The following NDRG3 variants were observed in gnomAD, a reference collection of about 807,000 sequenced individuals.
The protein encoded by NDRG3 is NDRG family member 3.
A neutral mutation model predicts 57.2 loss-of-function variants in NDRG3; 23 were observed. That is an observed-to-expected ratio of 0.40 (90% CI 0.29 to 0.57). The LOEUF (loss-of-function observed/expected upper bound fraction) is 0.57, where lower values mean the gene tolerates loss of function less well. Ranked by LOEUF, NDRG3 falls within the 20% of genes least tolerant of loss-of-function variation. The pLI is 0.42. For missense variants in NDRG3, 384 were observed against 457.3 expected (o/e 0.84, Z 1.46); for synonymous variants, 132 against 162.6 (o/e 0.81, Z 1.43).
chr20:36,654,678 G>A (rs1978493722), intron 15 of NDRG3: 4 of 701,502 alleles, frequency 5.7e-6, no homozygotes, highest in African/African-American at 3.5e-5. Context: ...AAATCTCTTG[G>A]GGCGTACTGA....
At position 36,656,421 on chromosome 20, in the gene NDRG3, T is replaced by C; in HGVS notation, c.895-10A>G. On this transcript the variant is annotated splice_polypyrimidine_tract_variant and intron_variant, in intron 14 of 15. Coordinates refer to ENST00000349004, the MANE Select transcript of NDRG3 (RefSeq NM_032013.4). The stretch of plus-strand genomic sequence containing the variant: ...CGGTGAGCTTCCCAGGCTGGGGGGA[T>C]AAAACAAGAGGGCATTAATTTTTGC... 1 of 1,614,094 alleles carries C rather than the reference T, an allele frequency of 6.2e-7. No individual in the cohort carries two copies. Among genetic ancestry groups the C allele is most frequent in the Non-Finnish European group, 8.5e-7 (1 of 1,180,004 alleles).
intron 8 of NDRG3, among the ~76,000 whole-genome samples, chr20:36,675,983 G>A (rs1980659655): frequency 6.6e-6 from 1 of 152,142 alleles, no homozygotes; most frequent in Non-Finnish European, 1.5e-5. Context: ...GCTCACGCCT[G>A]TAATCCCAGC....
At chr20:36,691,208 G>T (rs1568645597) in intron 3 of NDRG3, among the ~76,000 whole-genome samples, 1 of 152,198 alleles carries the variant, frequency 6.6e-6, no homozygotes, top group African/African-American at 2.4e-5. Flanking sequence ...GTGGGCACCA[G>T]AAGACAATCT....
intron 8 of NDRG3, among the ~76,000 whole-genome samples, chr20:36,672,249 A>C (rs1980234840): frequency 6.6e-6 from 1 of 152,176 alleles, no homozygotes; most frequent in African/African-American, 2.4e-5. Context: ...CAGTCTAATA[A>C]ATGCAGCAAT....
chr20:36,663,960 G>A (rs1271472644), intron 12 of NDRG3, among the ~76,000 whole-genome samples: 1 of 152,066 alleles, frequency 6.6e-6, no homozygotes, highest in Non-Finnish European at 1.5e-5. Context: ...GCAGGTGCAT[G>A]CCACTACACC....
At chr20:36,684,555 G>A (rs1316695556) in intron 5 of NDRG3, 80 bp from the exon 6 acceptor site, 28 of 1,297,358 alleles carry the variant, frequency 2.2e-5, no homozygotes, top group Non-Finnish European at 2.5e-5. Context: ...AGGTCCAGAA[G>A]TCTTAGATAA....
At chr20:36,714,904 C>G (rs1251138880) in intron 2 of NDRG3, among the ~76,000 whole-genome samples, 1 of 150,080 alleles carries the variant, frequency 6.7e-6, no homozygotes, top group African/African-American at 2.4e-5. Flanking sequence ...TGAGCCACCG[C>G]GCCAGGCCCA....
intron 1 of NDRG3, among the ~76,000 whole-genome samples, chr20:36,731,723 T>G (rs1985294049): frequency 6.6e-6 from 1 of 150,506 alleles, no homozygotes; most frequent in African/African-American, 2.5e-5. Context: ...GGCAGGAGAA[T>G]GGCATGAATC....
chr20:36,668,510 C>T (rs752756105), intron 9 of NDRG3: 2 of 152,086 alleles, frequency 1.3e-5, no homozygotes, highest in Non-Finnish European at 2.9e-5. Context: ...TTAATACAAG[C>T]ATTAACTTGC....
In NDRG3 at chr20:36,688,686, G is replaced by T; in HGVS notation, c.192C>A (p.Gly64=). 6.2e-7 allele frequency: 1 copy of T among 1,608,864 alleles called. No homozygotes were observed. Among genetic ancestry groups the T allele is most frequent in the Non-Finnish European group, 8.5e-7 (1 of 1,175,254 alleles). ...GTAAAATAAAATACATACGGTTGAG[G>T]CCAATGTCATGATATGTTAGTATAA... ...RPVILTYHDI[G]LNHKSCFNAF... The change falls in exon 4 of 16, where the codon GGC becomes GGA. Residue 64 remains glycine, a synonymous_variant. Transcript: ENST00000349004.
intron 3 of NDRG3, among the ~76,000 whole-genome samples, chr20:36,700,111 CT>C (rs766698394): frequency 1.0e-3 from 123 of 121,572 alleles, no homozygotes; most frequent in Admixed American, 2.6e-3. Flanking sequence ...GACAATCAGT[CT>C]CAAAAAAAAA....
intron 12 of NDRG3, among the ~76,000 whole-genome samples, chr20:36,660,688 G>C (rs1351785956): frequency 2.0e-5 from 3 of 151,784 alleles, no homozygotes; most frequent in African/African-American, 7.3e-5. Context: ...AGCCTCCCGA[G>C]TAGCTGGGAC....
chr20:36,733,171 A>T (rs796693128), intron 1 of NDRG3, among the ~76,000 whole-genome samples: 1,866 of 26,782 alleles, frequency 0.07, 62 homozygotes, highest in Admixed American at 0.12. Context: ...AAAAAAAAAA[A>T]ATATATATAT....
chr20:36,701,670 A>G (rs1983235428), intron 3 of NDRG3, among the ~76,000 whole-genome samples: 1 of 148,352 alleles, frequency 6.7e-6, no homozygotes, highest in South Asian at 2.1e-4. Context: ...GCCTCAGCCT[A>G]CTGAGGAGCT....
chr20:36,726,039 C>A (rs1984914030), intron 1 of NDRG3, among the ~76,000 whole-genome samples: 1 of 151,796 alleles, frequency 6.6e-6, no homozygotes, highest in South Asian at 2.1e-4. Context: ...CCCACCCCAG[C>A]CTCTCACACA....
chr20:36,718,471 C>T (rs139016635), intron 2 of NDRG3, among the ~76,000 whole-genome samples: 2 of 152,310 alleles, frequency 1.3e-5, no homozygotes, highest in Admixed American at 6.5e-5. Context: ...TCTTAGTCTA[C>T]TCGGGCTGTC....
intron 3 of NDRG3, among the ~76,000 whole-genome samples, chr20:36,692,168 GT>G (rs1397027215): frequency 2.0e-5 from 3 of 152,198 alleles, no homozygotes; most frequent in Non-Finnish European, 4.4e-5. Context: ...ATAATGCTAA[GT>G]GGTGACCAGG....
chr20:36,670,688 A>T (rs183250162), intron 9 of NDRG3, among the ~76,000 whole-genome samples: 23 of 152,326 alleles, frequency 1.5e-4, no homozygotes, highest in Non-Finnish European at 1.5e-5. Flanking sequence ...ATTTTCCTTC[A>T]GATAACATTT....
At chr20:36,697,136 T>G (rs1161156647) in intron 3 of NDRG3, among the ~76,000 whole-genome samples, 1 of 152,208 alleles carries the variant, frequency 6.6e-6, no homozygotes, top group Non-Finnish European at 1.5e-5. Context: ...AAAGCGTAGA[T>G]GGAACCAATC....
Sources: allele counts gnomAD v4.1 joint callset (sites outside exome capture counted in the v4.1 genomes callset), GRCh38; gene constraint gnomAD v4.1.1; transcripts MANE v1.5; gene names NCBI Gene and HGNC (gene_info 2026-07-23, HGNC 2026-07-21).